Variants in ASH1L observed in about 807,000 individuals in gnomAD.
ASH1L encodes histone-lysine N-methyltransferase ASH1L.
A neutral mutation model predicts 269.0 loss-of-function variants in ASH1L; 23 were observed. The observed-to-expected ratio is 0.09, with a 90% CI of 0.06 to 0.12. The LOEUF (loss-of-function observed/expected upper bound fraction) is 0.12, where lower values mean the gene tolerates loss of function less well. Ranked by LOEUF, ASH1L falls within the 10% of genes least tolerant of loss-of-function variation. ASH1L has a pLI of 1.00. For missense variants in ASH1L, 2,912 were observed against 3,567.8 expected (o/e 0.82, Z 4.68); for synonymous variants, 1,187 against 1,253.5 (o/e 0.95, Z 1.12).
At chr1:155,528,140 G>A (rs569757728) in intron 1 of ASH1L, among the ~76,000 whole-genome samples, 1 of 152,272 alleles carries the variant, frequency 6.6e-6, no homozygotes, top group South Asian at 2.1e-4. Flanking sequence ...TGACTGGATT[G>A]TGTAATAGAT....
chr1:155,397,260 G>C (rs1658436875), intron 6 of ASH1L, among the ~76,000 whole-genome samples: 1 of 152,016 alleles, frequency 6.6e-6, no homozygotes, highest in Non-Finnish European at 1.5e-5. Flanking sequence ...ACTGTGGGAG[G>C]CCAAGGCGGG....
intron 1 of ASH1L, among the ~76,000 whole-genome samples, chr1:155,544,430 G>A (rs746675881): frequency 1.3e-5 from 2 of 151,870 alleles, no homozygotes; most frequent in Non-Finnish European, 2.9e-5. Flanking sequence ...GGAACTATAG[G>A]TGCCTGCAAC....
chr1:155,550,975 C>A (rs1416308018), intron 1 of ASH1L, among the ~76,000 whole-genome samples: 6 of 151,990 alleles, frequency 3.9e-5, no homozygotes, highest in Non-Finnish European at 8.8e-5. Context: ...GTATGTGCCA[C>A]AATGCCTGGC....
intron 1 of ASH1L, among the ~76,000 whole-genome samples, chr1:155,542,027 C>T (rs1019137250): frequency 6.6e-6 from 1 of 152,088 alleles, no homozygotes; most frequent in African/African-American, 2.4e-5. Context: ...GACTGCCATA[C>T]AGATTATCCA....
At chr1:155,499,127 T>C (rs1395568123) in intron 2 of ASH1L, among the ~76,000 whole-genome samples, 1 of 152,082 alleles carries the variant, frequency 6.6e-6, no homozygotes, top group Non-Finnish European at 1.5e-5. Flanking sequence ...ATGGCCCTCA[T>C]AGGATCAAGA....
chr1:155,457,024 T>G (rs971348625), intron 4 of ASH1L, among the ~76,000 whole-genome samples: 1 of 152,082 alleles, frequency 6.6e-6, no homozygotes, highest in Non-Finnish European at 1.5e-5. Context: ...CCCTTTCCCC[T>G]CCGCCAGAAG....
chr1:155,398,919 C>CA (rs942372752), intron 6 of ASH1L, among the ~76,000 whole-genome samples: 15 of 151,978 alleles, frequency 9.9e-5, no homozygotes, highest in Middle Eastern at 3.2e-3. Context: ...TTTTTGTAGA[C>CA]ACGGTGTTTC....
chr1:155,366,755 ACT>A (rs1461061636), intron 12 of ASH1L, among the ~76,000 whole-genome samples: 2 of 149,636 alleles, frequency 1.3e-5, no homozygotes, highest in African/African-American at 4.9e-5. Context: ...CTCACTGCAA[ACT>A]CTGCCTCCGG....
chr1:155,514,731 G>A (rs917453282), intron 2 of ASH1L, among the ~76,000 whole-genome samples: 1 of 152,068 alleles, frequency 6.6e-6, no homozygotes. Flanking sequence ...AGGAAGTTTT[G>A]CAAAGGAGGT....
intron 1 of ASH1L, among the ~76,000 whole-genome samples, chr1:155,533,422 A>T (rs2148872699): frequency 6.6e-6 from 1 of 151,928 alleles, no homozygotes; most frequent in East Asian, 1.9e-4. Flanking sequence ...CCTCCCAAAG[A>T]TCATCTTTAG....
intron 1 of ASH1L, among the ~76,000 whole-genome samples, chr1:155,529,471 T>C (rs147823671): frequency 1.2e-4 from 19 of 152,314 alleles, no homozygotes; most frequent in South Asian, 4.1e-4. Context: ...TCATGATTGT[T>C]GGCTGCATGT....
rs1219319191 is a variant in ASH1L, at chr1:155,427,214, A to T, written c.5828+11113T>A. Among the ~76,000 whole-genome samples, 3 of 150,178 alleles carry T rather than the reference A, an allele frequency of 2.0e-5. No individual in the cohort carries two copies. The Admixed American group carries it at 2.0e-4, about 10-fold the overall frequency. ...AAGTGGTCTGATCTCAGCTCACTGC[A>T]ACCTTCACCTCCAAGGTTCTAGCAA... On this transcript the variant is annotated intron_variant, in intron 5 of 27. Transcript: ENST00000392403.
chr1:155,494,768 T>C (rs1009236577), intron 2 of ASH1L, among the ~76,000 whole-genome samples: 3 of 152,128 alleles, frequency 2.0e-5, no homozygotes, highest in Admixed American at 1.3e-4. Context: ...AGAAGAAAGA[T>C]TCAAATTTAG....
chr1:155,537,070 G>A (rs1379077002), intron 1 of ASH1L, among the ~76,000 whole-genome samples: 8 of 150,068 alleles, frequency 5.3e-5, no homozygotes, highest in African/African-American at 1.7e-4. Flanking sequence ...AAAAAAGAAA[G>A]AAATTCAACA....
At chr1:155,510,685 C>G (rs553067067) in intron 2 of ASH1L, among the ~76,000 whole-genome samples, 3 of 152,048 alleles carry the variant, frequency 2.0e-5, no homozygotes, top group Middle Eastern at 3.4e-3. Context: ...TTCTTTGTAC[C>G]AACTTTGATT....
At chr1:155,473,955 C>T (rs1016434954) in intron 3 of ASH1L, among the ~76,000 whole-genome samples, 1 of 152,154 alleles carries the variant, frequency 6.6e-6, no homozygotes, top group Non-Finnish European at 1.5e-5. Flanking sequence ...CCTGCCTCAG[C>T]CTCCCGAGTA....
intron 7 of ASH1L, among the ~76,000 whole-genome samples, chr1:155,391,786 C>T (rs1461826303): frequency 6.6e-6 from 1 of 151,934 alleles, no homozygotes; most frequent in Non-Finnish European, 1.5e-5. Context: ...GAAACCCTAT[C>T]TTTATCAAAA....
intron 5 of ASH1L, chr1:155,419,590 A>AG (rs2148555393): frequency 6.6e-6 from 1 of 152,324 alleles, no homozygotes; most frequent in African/African-American, 2.4e-5. Context: ...CATTTTACTA[A>AG]GTACAACTAA....
At chr1:155,407,925 T>A (rs1659430792) in intron 6 of ASH1L, among the ~76,000 whole-genome samples, 1 of 152,068 alleles carries the variant, frequency 6.6e-6, no homozygotes, top group Non-Finnish European at 1.5e-5. Flanking sequence ...TGCCTAATGG[T>A]GGGGAAATTA....
Sources: allele counts gnomAD v4.1 joint callset (sites outside exome capture counted in the v4.1 genomes callset), GRCh38; gene constraint gnomAD v4.1.1; transcripts MANE v1.5; gene names NCBI Gene and HGNC (gene_info 2026-07-23, HGNC 2026-07-21).